Variants in THSD7B observed in about 807,000 individuals in gnomAD.
The protein encoded by THSD7B is thrombospondin type 1 domain containing 7B, also known as thrombospondin type-1 domain-containing protein 7B.
THSD7B carries 138 observed loss-of-function variants against 213.6 expected under a neutral mutation model. The ratio of observed to expected loss-of-function variants is 0.65; its 90% CI spans 0.56 to 0.74. The LOEUF (loss-of-function observed/expected upper bound fraction) is 0.74. Among genes scored for constraint, THSD7B ranks in the 30% least tolerant of loss-of-function variants. The pLI is 0.00. For synonymous variants in THSD7B, 742 were observed against 687.0 expected (o/e 1.08, Z -1.25); for missense variants, 1,931 against 1,991.5 (o/e 0.97, Z 0.58).
At chr2:137,537,519 A>G (rs1363529563) in intron 15 of THSD7B, among the ~76,000 whole-genome samples, 2 of 151,726 alleles carry the variant, frequency 1.3e-5, no homozygotes, top group East Asian at 3.9e-4. Flanking sequence ...GCAAACAACC[A>G]TCATTTATAG....
At chr2:137,139,643 G>A (rs1221189216) in intron 5 of THSD7B, among the ~76,000 whole-genome samples, 4 of 152,064 alleles carry the variant, frequency 2.6e-5, no homozygotes, top group Non-Finnish European at 5.9e-5. Context: ...CCAGCCATTG[G>A]GCCAGGATTT....
At chr2:137,575,320 C>T (rs1681435605) in intron 17 of THSD7B, among the ~76,000 whole-genome samples, 1 of 152,036 alleles carries the variant, frequency 6.6e-6, no homozygotes, top group Non-Finnish European at 1.5e-5. Flanking sequence ...GTTGGGAAAT[C>T]CCAGACAGGG....
intron 2 of THSD7B, among the ~76,000 whole-genome samples, chr2:137,013,098 T>G (rs1260040348): frequency 2.0e-5 from 3 of 152,220 alleles, no homozygotes; most frequent in Admixed American, 6.5e-5. Flanking sequence ...TCAATTACTT[T>G]TAATTCTGTG....
intron 12 of THSD7B, among the ~76,000 whole-genome samples, chr2:137,284,931 C>T (rs895619242): frequency 6.6e-6 from 1 of 152,062 alleles, no homozygotes; most frequent in African/African-American, 2.4e-5. Context: ...TTGTGCAGAG[C>T]TGAGTTTAAT....
intron 12 of THSD7B, among the ~76,000 whole-genome samples, chr2:137,371,525 A>T (rs962318968): frequency 3.3e-5 from 5 of 152,194 alleles, no homozygotes; most frequent in Admixed American, 6.5e-5. Context: ...AATTGATTGG[A>T]CATTCAGTTA....
intron 14 of THSD7B, among the ~76,000 whole-genome samples, chr2:137,417,670 C>T (rs574587986): frequency 1.3e-5 from 2 of 152,078 alleles, no homozygotes; most frequent in East Asian, 1.9e-4. Flanking sequence ...TGGGCTCAAG[C>T]GATCCTCCCA....
intron 12 of THSD7B, among the ~76,000 whole-genome samples, chr2:137,332,240 T>A (rs1214926558): frequency 6.6e-6 from 1 of 152,174 alleles, no homozygotes; most frequent in African/African-American, 2.4e-5. Flanking sequence ...CATTGGAGCC[T>A]ACCTCTCACC....
intron 3 of THSD7B, among the ~76,000 whole-genome samples, chr2:137,084,297 T>A (rs1687799480): frequency 6.6e-6 from 1 of 152,052 alleles, no homozygotes; most frequent in South Asian, 2.1e-4. Flanking sequence ...AGAAAAAATA[T>A]AATAAAGGAC....
intron 17 of THSD7B, among the ~76,000 whole-genome samples, chr2:137,573,791 A>G (rs990601318): frequency 6.6e-6 from 1 of 152,074 alleles, no homozygotes; most frequent in African/African-American, 2.4e-5. Context: ...AAAGTTTTGT[A>G]CTTAATAAGT....
chr2:137,219,469 A>T (rs115877141), intron 7 of THSD7B, among the ~76,000 whole-genome samples: 14 of 152,140 alleles, frequency 9.2e-5, no homozygotes, highest in Admixed American at 6.5e-5. Flanking sequence ...AATTCAGACA[A>T]AAACAGAAGA....
rs150919867 is a variant in THSD7B at position 137,519,251 on chromosome 2, A to AAAAT, written c.3139-43948_3139-43945dup. Among the ~76,000 whole-genome samples, 1,412 of 149,212 alleles carry AAAAT rather than the reference A, an allele frequency of 9.5e-3. 20 individuals are homozygous for AAAAT. Among genetic ancestry groups the AAAAT allele is most frequent in the East Asian group, 0.035 (178 of 5,106 alleles). ...TGGCAAGAGAGTGAGACTCCATCTC[A>AAAAT]AAATAAATAAATAAATAAATAAATA... is the stretch of plus-strand genomic sequence containing the variant. On this transcript the variant is annotated intron_variant, in intron 15 of 27. Coordinates refer to ENST00000409968, the MANE Select transcript of THSD7B (RefSeq NM_001316349.2).
intron 15 of THSD7B, among the ~76,000 whole-genome samples, chr2:137,487,354 G>A (rs1215170955): frequency 0.088 from 8,608 of 97,618 alleles, 451 homozygotes; most frequent in Non-Finnish European, 0.12. Flanking sequence ...CGGCCTGGGC[G>A]ACAGAGCGAG....
chr2:137,083,392 T>C (rs1440751096), intron 3 of THSD7B, among the ~76,000 whole-genome samples: 1 of 152,146 alleles, frequency 6.6e-6, no homozygotes, highest in Non-Finnish European at 1.5e-5. Context: ...AAAATTGCCT[T>C]CTCCGTCATA....
chr2:137,071,024 C>CGT (rs1388887393), intron 3 of THSD7B, among the ~76,000 whole-genome samples: 4 of 152,150 alleles, frequency 2.6e-5, no homozygotes, highest in African/African-American at 9.7e-5. Flanking sequence ...TATAAACATA[C>CGT]GTGTGCATGT....
intron 14 of THSD7B, among the ~76,000 whole-genome samples, chr2:137,415,415 A>C (rs1056098058): frequency 1.3e-5 from 2 of 152,164 alleles, no homozygotes; most frequent in African/African-American, 4.8e-5. Context: ...TATCACAATG[A>C]GGAGAAATAT....
intron 17 of THSD7B, among the ~76,000 whole-genome samples, chr2:137,600,519 C>T (rs1173696095): frequency 6.6e-6 from 1 of 152,212 alleles, no homozygotes; most frequent in African/African-American, 2.4e-5. Context: ...AGGCAGATCA[C>T]TTGAAGCCAG....
At chr2:137,029,420 T>C (rs1686617889) in intron 2 of THSD7B, among the ~76,000 whole-genome samples, 1 of 152,142 alleles carries the variant, frequency 6.6e-6, no homozygotes, top group Admixed American at 6.5e-5. Flanking sequence ...TAGACATAGA[T>C]CCCACCTTTA....
chr2:137,407,085 C>A (rs1322972687), intron 13 of THSD7B, among the ~76,000 whole-genome samples: 1 of 151,962 alleles, frequency 6.6e-6, no homozygotes, highest in Non-Finnish European at 1.5e-5. Context: ...CAGTTTTTTT[C>A]TTTTTTCTTG....
intron 12 of THSD7B, among the ~76,000 whole-genome samples, chr2:137,329,002 TA>T (rs1240842752): frequency 2.6e-5 from 4 of 152,248 alleles, no homozygotes; most frequent in Admixed American, 2.0e-4. Flanking sequence ...ACTAATGCAG[TA>T]AATTGGTACC....
Sources: allele counts gnomAD v4.1 joint callset (sites outside exome capture counted in the v4.1 genomes callset), GRCh38; gene constraint gnomAD v4.1.1; transcripts MANE v1.5; gene names NCBI Gene and HGNC (gene_info 2026-07-23, HGNC 2026-07-21).